WRN: variants seen among roughly 807,000 people sequenced by gnomAD.
WRN encodes the protein WRN RecQ like helicase.
Under a neutral mutation model 180.7 loss-of-function variants are expected in WRN, and 149 were observed. The observed-to-expected ratio is 0.82, with a 90% CI of 0.72 to 0.94. The LOEUF is 0.94. WRN is among the 40% of genes least tolerant of loss of function. WRN has a pLI of 0.00. For missense variants in WRN, 1,661 were observed against 1,700.1 expected (o/e 0.98, Z 0.40); for synonymous variants, 548 against 568.9 (o/e 0.96, Z 0.52).
At chr8:31,083,911 A>G (rs942648336) in intron 10 of WRN, 132 bp downstream of exon 10, 2 of 983,364 alleles carry the variant, frequency 2.0e-6, no homozygotes, top group Non-Finnish European at 3.1e-6. Context: ...ATTAGATTTC[A>G]CATTTTCCAA....
intron 19 of WRN, among the ~76,000 whole-genome samples, chr8:31,113,713 G>C (rs1801409220): frequency 6.6e-6 from 1 of 151,924 alleles, no homozygotes; most frequent in Non-Finnish European, 1.5e-5. Context: ...GTTTTCTGAC[G>C]TCCTGGTCCT....
Position 31,085,336 on chromosome 8 carries a change from C to T in WRN, c.1431+90C>T, listed in dbSNP as rs1369187433. Reference sequence around the variant, plus strand: ...TATTAACTAATTCTAAACCAGGTTCCACCACAATGAAATTGCTACTAATTA... The same window carrying T: ...TATTAACTAATTCTAAACCAGGTTCTACCACAATGAAATTGCTACTAATTA... On this transcript the variant is annotated intron_variant, in intron 11 of 34. Transcript: ENST00000298139. The T allele has an allele frequency of 1.6e-5, 22 of 1,402,160 alleles. No individual in the cohort carries two copies. The South Asian group carries it at 1.6e-4, about 10-fold the overall frequency. The allele number at this position is 1,402,160 out of a possible 1,614,324, so 86.9% of individuals were successfully genotyped here. A position where few individuals can be genotyped will look rare whatever the true frequency, so the allele number is the denominator to read the frequency against.
At position 31,056,049 on chromosome 8, in the gene WRN, A is replaced by G. The variant is rs560841620; in HGVS notation, c.-76-2323A>G. On this transcript the variant is annotated intron_variant, in intron 1 of 34. Transcript: ENST00000298139. ...TGGAAGTATCTAGATAGAATTTTGC[A>G]TGCAAAAGAGTATTTACATCTAAAA... 5.9e-5 allele frequency among the ~76,000 whole-genome samples: 9 copies of G among 152,368 alleles called. No homozygotes were observed. The South Asian group carries it at 1.7e-3, about 28-fold the overall frequency.
chr8:31,065,133 T>A (rs1469058505), intron 5 of WRN, 70 bp downstream of exon 5: 6 of 1,507,248 alleles, frequency 4.0e-6, no homozygotes, highest in Non-Finnish European at 5.4e-6. Context: ...ACTTTCTATC[T>A]GAATGTTAGA....
chr8:31,074,819 G>A (rs1159871035), intron 7 of WRN, among the ~76,000 whole-genome samples: 1 of 152,134 alleles, frequency 6.6e-6, no homozygotes, highest in Non-Finnish European at 1.5e-5. Flanking sequence ...AGGCTCAGTG[G>A]GCAGTGGGAG....
chr8:31,135,511 AGT>A (rs2130388433), intron 24 of WRN, among the ~76,000 whole-genome samples: 1 of 152,360 alleles, frequency 6.6e-6, no homozygotes, highest in South Asian at 2.1e-4. Flanking sequence ...AGAAGAAATG[AGT>A]GTAATGTAGC....
Position 31,141,612 on chromosome 8 carries a change from A to G in WRN, c.3138+12A>G. 1.2e-6 allele frequency: 2 copies of G among 1,614,122 alleles called. No individual in the cohort carries two copies. The highest frequency in any genetic ancestry group is 2.2e-5 in the East Asian group (1 of 44,866). Reference sequence around the variant, plus strand: ...CCCTTACGAAAAAGGTAAACGGTGTAGGAGTCTGCCTGTTTGACTTAATTT... The same window carrying G: ...CCCTTACGAAAAAGGTAAACGGTGTGGGAGTCTGCCTGTTTGACTTAATTT... On this transcript the variant is annotated intron_variant, in intron 25 of 34. Coordinates refer to ENST00000298139, the MANE Select transcript of WRN (RefSeq NM_000553.6).
At chr8:31,132,047 T>C (rs1802198869) in intron 23 of WRN, among the ~76,000 whole-genome samples, 1 of 150,558 alleles carries the variant, frequency 6.6e-6, no homozygotes, top group African/African-American at 2.4e-5. Flanking sequence ...GTTCTAGCTA[T>C]AAATATGGCA....
At chr8:31,062,586 A>AT (rs1322151316) in intron 3 of WRN, among the ~76,000 whole-genome samples, 5 of 151,100 alleles carry the variant, frequency 3.3e-5, no homozygotes, top group African/African-American at 9.7e-5. Flanking sequence ...TTATATATAT[A>AT]TTTTTTTATA....
At chr8:31,145,417 T>A (rs1291436470) in intron 28 of WRN, among the ~76,000 whole-genome samples, 1 of 152,198 alleles carries the variant, frequency 6.6e-6, no homozygotes, top group East Asian at 1.9e-4. Flanking sequence ...AAAGTCTTGA[T>A]GATACCTGTT....
intron 28 of WRN, among the ~76,000 whole-genome samples, chr8:31,144,870 T>G (rs1436016732): frequency 6.6e-6 from 1 of 152,204 alleles, no homozygotes; most frequent in Admixed American, 6.5e-5. Context: ...TTTGCTGATA[T>G]GGAGAAAGTT....
intron 32 of WRN, among the ~76,000 whole-genome samples, chr8:31,155,147 A>G (rs1486566968): frequency 6.6e-6 from 1 of 152,198 alleles, no homozygotes; most frequent in Non-Finnish European, 1.5e-5. Context: ...ACAAACGTAA[A>G]CGTGTGTGCA....
intron 31 of WRN, among the ~76,000 whole-genome samples, chr8:31,151,090 G>A (rs531434022): frequency 7.8e-4 from 118 of 152,256 alleles, no homozygotes; most frequent in Non-Finnish European, 1.3e-3. Flanking sequence ...TAGGAGTCAC[G>A]GAATCAGGAC....
At chr8:31,108,053 C>A (rs1267593036) in intron 18 of WRN, among the ~76,000 whole-genome samples, 1 of 152,184 alleles carries the variant, frequency 6.6e-6, no homozygotes, top group Non-Finnish European at 1.5e-5. Flanking sequence ...GATACTTATA[C>A]TTTTCTCAGT....
chr8:31,062,600 A>G (rs1294990424), intron 3 of WRN, among the ~76,000 whole-genome samples: 1 of 151,660 alleles, frequency 6.6e-6, no homozygotes, highest in Non-Finnish European at 1.5e-5. Context: ...TTTTATAGAG[A>G]TGGGGTTTTT....
At chr8:31,088,792 C>T (rs1261798841) in intron 12 of WRN, 98 bp from the exon 13 acceptor site, 2 of 1,001,222 alleles carry the variant, frequency 2.0e-6, no homozygotes, top group African/African-American at 3.2e-5. Flanking sequence ...GTAGCTGTCA[C>T]TGTATTCTTT....
chr8:31,153,507 C>T (rs567982265), intron 31 of WRN, among the ~76,000 whole-genome samples: 83 of 152,104 alleles, frequency 5.5e-4, no homozygotes, highest in Non-Finnish European at 8.7e-4. Flanking sequence ...TTAGGCCCAC[C>T]GTATGCTCAG....
chr8:31,128,821 T>C (rs1802029392), intron 23 of WRN, among the ~76,000 whole-genome samples: 1 of 152,132 alleles, frequency 6.6e-6, no homozygotes, highest in Admixed American at 6.5e-5. Context: ...ATCGCGCCAC[T>C]GCACTCCAGC....
chr8:31,041,516 G>C (rs977216701), intron 1 of WRN, among the ~76,000 whole-genome samples: 1 of 152,124 alleles, frequency 6.6e-6, no homozygotes, highest in Non-Finnish European at 1.5e-5. Context: ...CACTCAAATT[G>C]ACACATAAAA....
Sources: gnomAD v4.1 joint callset for allele counts (sites outside exome capture counted in the v4.1 genomes callset) on GRCh38, gnomAD v4.1.1 for gene constraint, MANE v1.5 for transcripts, NCBI Gene and HGNC (gene_info 2026-07-23, HGNC 2026-07-21) for gene names.